CSMD2: variants seen among roughly 807,000 people sequenced by gnomAD.
CSMD2 encodes CUB and Sushi multiple domains 2.
Under a neutral mutation model 398.5 loss-of-function variants are expected in CSMD2, and 130 were observed. The observed-to-expected ratio is 0.33, with a 90% CI of 0.28 to 0.38. The LOEUF (loss-of-function observed/expected upper bound fraction) is 0.38. CSMD2 is among the 10% of genes least tolerant of loss of function. CSMD2 has a pLI of 1.00. For synonymous variants in CSMD2, 1,828 were observed against 1,908.5 expected (o/e 0.96, Z 1.10); for missense variants, 3,829 against 4,764.9 (o/e 0.80, Z 5.78).
intron 26 of CSMD2, among the ~76,000 whole-genome samples, chr1:33,658,723 G>A (rs571840582): frequency 6.6e-6 from 1 of 152,288 alleles, no homozygotes; most frequent in South Asian, 2.1e-4. Context: ...GATTAGCTGG[G>A]TGTGGTGATA....
At chr1:33,903,635 C>G (rs573726411) in intron 5 of CSMD2, among the ~76,000 whole-genome samples, 26 of 152,216 alleles carry the variant, frequency 1.7e-4, no homozygotes, top group African/African-American at 6.0e-4. Flanking sequence ...TACTAAGTGC[C>G]AAGATGCACA....
chr1:33,753,106 T>G (rs1185773699), intron 13 of CSMD2, among the ~76,000 whole-genome samples: 1 of 152,130 alleles, frequency 6.6e-6, no homozygotes, highest in Non-Finnish European at 1.5e-5. Flanking sequence ...GACCCTGTGG[T>G]AAAGAAAGAA....
At chr1:33,966,994 G>A (rs986775487) in intron 3 of CSMD2, among the ~76,000 whole-genome samples, 2 of 152,166 alleles carry the variant, frequency 1.3e-5, no homozygotes, top group Non-Finnish European at 2.9e-5. Flanking sequence ...TAAACATTTC[G>A]CAAACGTTTT....
chr1:33,580,720 G>T (rs778786131), intron 48 of CSMD2, 33 bp downstream of exon 48: 2 of 1,612,720 alleles, frequency 1.2e-6, no homozygotes, highest in African/African-American at 2.7e-5. Flanking sequence ...ATGAGGAGAG[G>T]GCCTGTGGCT....
intron 5 of CSMD2, among the ~76,000 whole-genome samples, chr1:33,852,224 C>T (rs752226379): frequency 2.6e-5 from 4 of 152,306 alleles, no homozygotes; most frequent in African/African-American, 9.6e-5. Flanking sequence ...TCGTTTCTCA[C>T]CTGGACTACA....
intron 28 of CSMD2, among the ~76,000 whole-genome samples, chr1:33,649,998 G>T (rs993546298): frequency 1.3e-5 from 2 of 152,122 alleles, no homozygotes; most frequent in African/African-American, 4.8e-5. Flanking sequence ...ACCATGGCTG[G>T]GTGACACGGT....
At position 33,847,120 on chromosome 1, in the gene CSMD2, G is replaced by C. The variant is rs1365929403; in HGVS notation, c.921-124C>G. The C allele has an allele frequency of 1.0e-5, 6 of 598,834 alleles. No homozygotes were observed. The East Asian group carries it at 2.1e-4, about 21-fold the overall frequency. 37.1% of individuals were successfully genotyped at this position (598,834 alleles called of 1,614,324 possible). On this transcript the variant is annotated intron_variant, in intron 5 of 70. Coordinates refer to ENST00000373381, the MANE Select transcript of CSMD2 (RefSeq NM_001281956.2). ...CTCAGCCCAGCTCTGGAGCAGGAAG[G>C]GAAGGCGGTGTTGCCCCAGGCCCCT...
chr1:34,159,702 T>C (rs926204740), intron 1 of CSMD2, among the ~76,000 whole-genome samples: 21 of 152,136 alleles, frequency 1.4e-4, no homozygotes, highest in African/African-American at 4.6e-4. Flanking sequence ...GAGGATTGAG[T>C]TAATACATCC....
chr1:34,035,749 A>C (rs1651043211), intron 2 of CSMD2, among the ~76,000 whole-genome samples: 1 of 152,060 alleles, frequency 6.6e-6, no homozygotes, highest in South Asian at 2.1e-4. Flanking sequence ...AAAAAAAAAA[A>C]AACAGTAGCT....
chr1:33,537,351 G>C lies in CSMD2; in HGVS notation c.9805+85C>G, dbSNP rs1329346980. 7.0e-7 allele frequency: 1 copy of C among 1,421,506 alleles called. No individual in the cohort carries two copies. The highest frequency in any genetic ancestry group is 9.6e-7 in the Non-Finnish European group (1 of 1,038,624). The allele number at this position is 1,421,506 out of a possible 1,614,324, so 88.1% of individuals were successfully genotyped here. ...TTTGCAGATGAGACCACTGAAGACA[G>C]GGAAGGAAAGTAATCATCTCAGGCC... On this transcript the variant is annotated intron_variant, in intron 61 of 70. Coordinates refer to ENST00000373381, the MANE Select transcript of CSMD2 (RefSeq NM_001281956.2). The surrounding 1 kb of genome is among the most constrained non-coding windows in gnomAD (Gnocchi z 4.6).
rs17342512 is a variant in CSMD2, at chr1:33,819,741, G to A, written c.1296C>T (p.Ala432=). The A allele has an allele frequency of 0.54, 862,795 of 1,612,426 alleles. 232,167 individuals carry two copies. The highest frequency in any genetic ancestry group is 0.69 in the East Asian group (30,913 of 44,758). ...GGCAGACTGGCCTGTGGTCGCTCCA[G>A]GCCGCAAACATGTCGCTCACTTTCA... ...TCMKVSDMFA[A]WSDHRPVCRA... Residue 432 remains alanine (A), a synonymous_variant, in exon 9 of 71, where the codon GCC becomes GCT. Transcript: ENST00000373381.
At chr1:33,679,435 C>T (rs536055044) in intron 25 of CSMD2, among the ~76,000 whole-genome samples, 6 of 152,114 alleles carry the variant, frequency 3.9e-5, no homozygotes, top group Non-Finnish European at 7.4e-5. Flanking sequence ...CTCCTGACCT[C>T]GTGATCCACC....
chr1:33,955,540 A>G (rs538168339), intron 3 of CSMD2, among the ~76,000 whole-genome samples: 1 of 152,268 alleles, frequency 6.6e-6, no homozygotes, highest in African/African-American at 2.4e-5. Flanking sequence ...CCACGTTTTG[A>G]TCTTTTACTC....
intron 51 of CSMD2, 40 bp downstream of exon 51, chr1:33,571,492 G>C: frequency 1.5e-6 from 2 of 1,372,642 alleles, no homozygotes; most frequent in Non-Finnish European, 1.9e-6. Context: ...AGGTAGGAGG[G>C]ACCCTGCTAA....
chr1:34,037,444 G>A (rs943820246), intron 2 of CSMD2, among the ~76,000 whole-genome samples: 3 of 152,252 alleles, frequency 2.0e-5, no homozygotes, highest in Admixed American at 6.5e-5. Flanking sequence ...CGAAATATTC[G>A]TATCTTCAGT....
chr1:33,618,353 C>T (rs1245291042), intron 37 of CSMD2, among the ~76,000 whole-genome samples: 4 of 152,040 alleles, frequency 2.6e-5, no homozygotes, highest in Non-Finnish European at 2.9e-5. Flanking sequence ...ACAGGCAACT[C>T]GTGTTGCTTA....
intron 5 of CSMD2, among the ~76,000 whole-genome samples, chr1:33,856,549 A>G (rs1461718390): frequency 6.6e-6 from 1 of 152,018 alleles, no homozygotes; most frequent in East Asian, 1.9e-4. Context: ...TCTCACCCAG[A>G]GGGACTGTTG....
At chr1:33,897,411 C>T (rs963024427) in intron 5 of CSMD2, among the ~76,000 whole-genome samples, 2 of 152,234 alleles carry the variant, frequency 1.3e-5, no homozygotes, top group African/African-American at 4.8e-5. Context: ...AATCTGGCAA[C>T]TGGACAAAAC....
In CSMD2 at chr1:34,048,080, G is replaced by T. The variant is rs1055148385; in HGVS notation, c.405-15374C>A. Among the ~76,000 whole-genome samples the T allele has an allele frequency of 7.9e-5, 12 of 152,228 alleles. 1 individual carries two copies. The highest frequency in any genetic ancestry group is 2.1e-4 in the South Asian group (1 of 4,832). ...GAGACTGAAGTATCCAGCACCACGT[G>T]TCAGGAGGTTGGCAAGGATGGAAAT... is the stretch of plus-strand genomic sequence containing the variant. On this transcript the variant is annotated intron_variant, in intron 2 of 70. Transcript: ENST00000373381.
Sources: allele counts gnomAD v4.1 joint callset (sites outside exome capture counted in the v4.1 genomes callset), GRCh38; gene constraint gnomAD v4.1.1; non-coding constraint Gnocchi (gnomAD v3.1); transcripts MANE v1.5; gene names NCBI Gene and HGNC (gene_info 2026-07-23, HGNC 2026-07-21).